ANO3: variants seen among roughly 807,000 people sequenced by gnomAD.
ANO3 encodes anoctamin 3.
Under a neutral mutation model 144.8 loss-of-function variants are expected in ANO3, and 99 were observed. That is an observed-to-expected ratio of 0.68 (90% CI 0.58 to 0.81). The LOEUF is 0.81. Ranked by LOEUF, ANO3 falls within the 30% of genes least tolerant of loss-of-function variation. The pLI is 0.00. For synonymous variants in ANO3, 414 were observed against 392.6 expected (o/e 1.05, Z -0.64); for missense variants, 905 against 1,202.2 (o/e 0.75, Z 3.66).
chr11:26,395,344 T>C (rs1856983588), intron 1 of ANO3, among the ~76,000 whole-genome samples: 1 of 152,198 alleles, frequency 6.6e-6, no homozygotes, highest in Non-Finnish European at 1.5e-5. Context: ...GGTGATAGCA[T>C]TGAATCTCTA....
intron 5 of ANO3, among the ~76,000 whole-genome samples, chr11:26,513,734 A>G (rs1342415172): frequency 6.6e-6 from 1 of 152,166 alleles, no homozygotes; most frequent in Non-Finnish European, 1.5e-5. Context: ...CAAATCCTGC[A>G]GGGAACCATT....
intron 1 of ANO3, among the ~76,000 whole-genome samples, chr11:26,439,351 T>A (rs1257918283): frequency 6.6e-6 from 1 of 152,198 alleles, no homozygotes; most frequent in African/African-American, 2.4e-5. Flanking sequence ...AAAAGCATTG[T>A]GTTTCCAAGA....
chr11:26,441,127 T>G (rs868639672), intron 1 of ANO3, among the ~76,000 whole-genome samples: 22 of 134,292 alleles, frequency 1.6e-4, no homozygotes, highest in African/African-American at 5.2e-4. Context: ...TTTTTTTTTT[T>G]TTTTTTTTGA....
At chr11:26,391,155 A>G (rs1037907725) in intron 1 of ANO3, among the ~76,000 whole-genome samples, 1 of 152,118 alleles carries the variant, frequency 6.6e-6, no homozygotes, top group African/African-American at 2.4e-5. Flanking sequence ...AGGAAGTCCA[A>G]GGTCAAGAAG....
chr11:26,248,631 T>C (rs1275799006), intron 1 of ANO3, among the ~76,000 whole-genome samples: 1 of 152,264 alleles, frequency 6.6e-6, no homozygotes, highest in Non-Finnish European at 1.5e-5. Context: ...AATTGGATTA[T>C]GTATGCAGAT....
chr11:26,597,644 A>G (rs558399081), intron 14 of ANO3, among the ~76,000 whole-genome samples: 3 of 152,330 alleles, frequency 2.0e-5, no homozygotes, highest in East Asian at 1.9e-4. Flanking sequence ...CAGAGCTCTC[A>G]TACAATGGGA....
At chr11:26,415,443 CA>C (rs1857556976) in intron 1 of ANO3, among the ~76,000 whole-genome samples, 1 of 151,608 alleles carries the variant, frequency 6.6e-6, no homozygotes, top group African/African-American at 2.4e-5. Flanking sequence ...CAGTAAAAAG[CA>C]AAAAAGTAAT....
At chr11:26,249,571 TA>T (rs1469298878) in intron 1 of ANO3, among the ~76,000 whole-genome samples, 1 of 151,162 alleles carries the variant, frequency 6.6e-6, no homozygotes, top group Non-Finnish European at 1.5e-5. Context: ...TGATTTTTTT[TA>T]AAAAAAAGGA....
In ANO3 at chr11:26,443,746, G is replaced by A. The variant is rs1440582877; in HGVS notation, c.242-19G>A. ...TGCTTTTATTTCCCAAAACTACAAA[G>A]TATCTTATTTTATTTCAGTTAATAC... On this transcript the variant is annotated intron_variant, in intron 2 of 26. Coordinates refer to ENST00000256737, the MANE Select transcript of ANO3 (RefSeq NM_031418.4). 5.8e-5 allele frequency: 53 copies of A among 920,648 alleles called. No individual in the cohort carries two copies. Among genetic ancestry groups the A allele is most frequent in the Non-Finnish European group, 7.6e-5 (48 of 633,044 alleles). 57.0% of individuals were successfully genotyped at this position (920,648 alleles called of 1,614,324 possible). A position where few individuals can be genotyped will look rare whatever the true frequency, so the allele number is the denominator to read the frequency against.
chr11:26,532,061 A>G lies in ANO3; in HGVS notation c.869+725A>G, dbSNP rs571704361. Among the ~76,000 whole-genome samples, 10 of 152,360 alleles carry G rather than the reference A, an allele frequency of 6.6e-5. No homozygotes were observed. The South Asian group carries it at 1.7e-3, about 25-fold the overall frequency. On this transcript the variant is annotated intron_variant, in intron 8 of 26. Coordinates refer to ENST00000256737, the MANE Select transcript of ANO3 (RefSeq NM_031418.4). ...TTGAAGGACTATAGCTATAGGGCCT[A>G]CGTTGCTATAGGCCATTGTGAATTG...
intron 1 of ANO3, among the ~76,000 whole-genome samples, chr11:26,388,707 T>G (rs1856798190): frequency 6.6e-6 from 1 of 152,194 alleles, no homozygotes. Context: ...TGACTGATTT[T>G]TTATATTCAC....
chr11:26,264,622 A>C (rs1017606134), intron 1 of ANO3, among the ~76,000 whole-genome samples: 3 of 152,264 alleles, frequency 2.0e-5, no homozygotes, highest in Non-Finnish European at 2.9e-5. Context: ...GGGTAGCTTA[A>C]ATAAGAGAAA....
intron 14 of ANO3, among the ~76,000 whole-genome samples, chr11:26,591,322 C>T (rs999683621): frequency 7.9e-5 from 12 of 152,038 alleles, no homozygotes; most frequent in African/African-American, 1.4e-4. Flanking sequence ...GAGATTTCCT[C>T]AGGAGGGGTG....
At chr11:26,442,751 G>C (rs1206639864) in intron 2 of ANO3, among the ~76,000 whole-genome samples, 1 of 152,104 alleles carries the variant, frequency 6.6e-6, no homozygotes, top group African/African-American at 2.4e-5. Context: ...CTGTTGTGCA[G>C]TGGATAGGGT....
At chr11:26,540,241 A>G (rs1849610551) in intron 10 of ANO3, among the ~76,000 whole-genome samples, 1 of 152,166 alleles carries the variant, frequency 6.6e-6, no homozygotes, top group Admixed American at 6.5e-5. Flanking sequence ...AAATCTGACT[A>G]GCCAGCTTCA....
At chr11:26,291,922 G>T (rs549106385) in intron 1 of ANO3, among the ~76,000 whole-genome samples, 3 of 152,030 alleles carry the variant, frequency 2.0e-5, no homozygotes, top group African/African-American at 7.2e-5. Context: ...TCTTTGTGGC[G>T]TTCTCTATTT....
chr11:26,536,764 AAATT>A (rs1270699872), intron 9 of ANO3, among the ~76,000 whole-genome samples: 1 of 152,118 alleles, frequency 6.6e-6, no homozygotes, highest in Non-Finnish European at 1.5e-5. Context: ...TGTGCTATAA[AAATT>A]AAATGATTTA....
chr11:26,456,022 T>C (rs899660225), intron 3 of ANO3, among the ~76,000 whole-genome samples: 1 of 151,480 alleles, frequency 6.6e-6, no homozygotes, highest in South Asian at 2.1e-4. Flanking sequence ...GCTAGCCATA[T>C]GTAGAAAGCT....
intron 5 of ANO3, chr11:26,508,557 A>G (rs1449856038): frequency 5.8e-6 from 2 of 346,548 alleles, no homozygotes; most frequent in Non-Finnish European, 1.0e-5. Context: ...GAAAAGGAAA[A>G]TAACATTTTG....
Sources: allele counts gnomAD v4.1 joint callset (sites outside exome capture counted in the v4.1 genomes callset), GRCh38; gene constraint gnomAD v4.1.1; transcripts MANE v1.5; gene names NCBI Gene and HGNC (gene_info 2026-07-23, HGNC 2026-07-21).